ADAMTS6: variants seen among roughly 807,000 people sequenced by gnomAD.
ADAMTS6 encodes the protein ADAM metallopeptidase with thrombospondin type 1 motif 6.
In ADAMTS6, 23 loss-of-function variants were observed where a neutral mutation model predicts 144.3. The ratio of observed to expected loss-of-function variants is 0.16; its 90% CI spans 0.11 to 0.23. The LOEUF (loss-of-function observed/expected upper bound fraction) is 0.23. Ranked by LOEUF, ADAMTS6 falls within the 10% of genes least tolerant of loss-of-function variation. The probability of loss-of-function intolerance (pLI) is 1.00; values close to 1 mark genes in which losing one functional copy is unlikely to be tolerated. For synonymous variants in ADAMTS6, 444 were observed against 457.5 expected (o/e 0.97, Z 0.38); for missense variants, 999 against 1,379.6 (o/e 0.72, Z 4.37).
At chr5:65,428,225 C>CAAAA (rs759344039) in intron 7 of ADAMTS6, among the ~76,000 whole-genome samples, 2 of 58,392 alleles carry the variant, frequency 3.4e-5, no homozygotes, top group African/African-American at 5.3e-5. Flanking sequence ...GACTCCATCT[C>CAAAA]AAAAAAAAAA....
At chr5:65,451,324 T>C (rs1758724547) in intron 7 of ADAMTS6, 151 bp downstream of exon 7, 13 of 728,512 alleles carry the variant, frequency 1.8e-5, no homozygotes, top group African/African-American at 3.7e-5. Flanking sequence ...ACAATAATAG[T>C]GTAATACATT....
At chr5:65,337,241 G>T (rs1395871529) in intron 7 of ADAMTS6, among the ~76,000 whole-genome samples, 1 of 151,952 alleles carries the variant, frequency 6.6e-6, no homozygotes, top group Non-Finnish European at 1.5e-5. Flanking sequence ...TCAATATCAT[G>T]TTACCTGCAC....
intron 7 of ADAMTS6, among the ~76,000 whole-genome samples, chr5:65,357,983 A>C (rs1580480827): frequency 6.6e-6 from 1 of 151,978 alleles, no homozygotes; most frequent in Non-Finnish European, 1.5e-5. Context: ...TCATTTAATA[A>C]GGCAAGTATT....
intron 7 of ADAMTS6, among the ~76,000 whole-genome samples, chr5:65,396,334 T>C (rs1441784002): frequency 4.6e-5 from 7 of 152,214 alleles, no homozygotes; most frequent in Admixed American, 4.6e-4. Flanking sequence ...ACAGTCTTCA[T>C]CTAAATTCAG....
chr5:65,251,327 T>C (rs1309008970), intron 14 of ADAMTS6: 1 of 152,366 alleles, frequency 6.6e-6, no homozygotes, highest in African/African-American at 2.4e-5. Context: ...CAATGAACTC[T>C]CAAGCATTAT....
At chr5:65,323,243 T>C (rs1013986646) in intron 9 of ADAMTS6, among the ~76,000 whole-genome samples, 2 of 149,608 alleles carry the variant, frequency 1.3e-5, no homozygotes, top group Non-Finnish European at 3.0e-5. Context: ...ATTAGGTATA[T>C]CTCCTAATGC....
intron 18 of ADAMTS6, 22 bp downstream of exon 18, chr5:65,224,298 C>A: frequency 6.2e-7 from 1 of 1,601,578 alleles, no homozygotes; most frequent in Admixed American, 1.7e-5. Context: ...ATCCAGCAAA[C>A]TAGCATACCA....
chr5:65,415,553 C>A, intron 7 of ADAMTS6: 1 of 365,242 alleles, frequency 2.7e-6, no homozygotes, highest in South Asian at 2.3e-5. Flanking sequence ...GCCAGCTAGT[C>A]AAGGACATGA....
intron 7 of ADAMTS6, among the ~76,000 whole-genome samples, chr5:65,366,026 T>C (rs1750278525): frequency 6.6e-6 from 1 of 152,142 alleles, no homozygotes; most frequent in Admixed American, 6.5e-5. Flanking sequence ...AAAAATCTCT[T>C]TTGGTACCAT....
intron 7 of ADAMTS6, among the ~76,000 whole-genome samples, chr5:65,379,268 A>C (rs952236504): frequency 2.6e-5 from 4 of 152,198 alleles, no homozygotes; most frequent in African/African-American, 9.7e-5. Flanking sequence ...AGACATGGTG[A>C]ATCCAAGTCT....
At chr5:65,415,045 G>C (rs1180698262) in intron 7 of ADAMTS6, among the ~76,000 whole-genome samples, 3 of 152,068 alleles carry the variant, frequency 2.0e-5, no homozygotes, top group Non-Finnish European at 4.4e-5. Flanking sequence ...AAAGTTAAAA[G>C]TCAATATAGA....
At chr5:65,305,566 G>A (rs1391583231) in intron 9 of ADAMTS6, among the ~76,000 whole-genome samples, 2 of 115,160 alleles carry the variant, frequency 1.7e-5, no homozygotes, top group Non-Finnish European at 3.5e-5. Context: ...AAAAAAAGAA[G>A]AACAAAAACA....
intron 7 of ADAMTS6, among the ~76,000 whole-genome samples, chr5:65,394,168 C>A (rs935174263): frequency 1.3e-5 from 2 of 152,206 alleles, no homozygotes; most frequent in Admixed American, 1.3e-4. Context: ...CTAAGTCTTA[C>A]ATCACAGTCC....
chr5:65,250,841 C>A (rs1341430539), intron 14 of ADAMTS6, among the ~76,000 whole-genome samples: 2 of 152,130 alleles, frequency 1.3e-5, no homozygotes, highest in African/African-American at 4.8e-5. Context: ...TTCATAGTAG[C>A]TAATATTTCT....
intron 22 of ADAMTS6, among the ~76,000 whole-genome samples, chr5:65,175,181 A>G (rs1234366578): frequency 1.3e-5 from 2 of 151,992 alleles, no homozygotes; most frequent in Non-Finnish European, 2.9e-5. Context: ...AGACCAGCAG[A>G]GAGAGACAGA....
At chr5:65,430,371 C>A (rs1299201746) in intron 7 of ADAMTS6, among the ~76,000 whole-genome samples, 1 of 152,030 alleles carries the variant, frequency 6.6e-6, no homozygotes, top group Non-Finnish European at 1.5e-5. Context: ...GGACACCCAA[C>A]CCAGTATAAG....
chr5:65,338,320 T>C (rs771788892), intron 7 of ADAMTS6, among the ~76,000 whole-genome samples: 2 of 152,238 alleles, frequency 1.3e-5, no homozygotes, highest in African/African-American at 2.4e-5. Context: ...ATGCATATGT[T>C]GCCATTCTTT....
intron 7 of ADAMTS6, among the ~76,000 whole-genome samples, chr5:65,409,163 A>T (rs1195151186): frequency 3.3e-5 from 5 of 152,240 alleles, no homozygotes; most frequent in African/African-American, 1.2e-4. Context: ...GCAGAACTGA[A>T]GGAGACAGAG....
chr5:65,237,302 C>T (rs1758743321), intron 15 of ADAMTS6, among the ~76,000 whole-genome samples: 1 of 149,324 alleles, frequency 6.7e-6, no homozygotes, highest in South Asian at 2.1e-4. Context: ...GAGGGAGGAT[C>T]TCTTGAGCTC....
Sources: gnomAD v4.1 joint callset for allele counts (sites outside exome capture counted in the v4.1 genomes callset) on GRCh38, gnomAD v4.1.1 for gene constraint, MANE v1.5 for transcripts, NCBI Gene and HGNC (gene_info 2026-07-23, HGNC 2026-07-21) for gene names.